Variants in WDR76 observed in about 807,000 individuals in gnomAD.
WDR76 encodes WD repeat domain 76, also known as WD repeat-containing protein 76.
In WDR76, 52 loss-of-function variants were observed where a neutral mutation model predicts 70.2. The observed-to-expected ratio is 0.74, with a 90% CI of 0.59 to 0.93. WDR76 has a LOEUF of 0.93. WDR76 is among the 40% of genes least tolerant of loss of function. WDR76 has a pLI of 0.00. For missense variants in WDR76, 756 were observed against 760.2 expected (o/e 0.99, Z 0.07); for synonymous variants, 292 against 271.1 (o/e 1.08, Z -0.76).
In WDR76 at chr15:43,839,708, A is replaced by G. The variant is rs770175699; in HGVS notation, c.712A>G (p.Thr238Ala). 3.1e-6 allele frequency: 5 copies of G among 1,609,572 alleles called. No homozygotes were observed. The highest frequency in any genetic ancestry group is 3.4e-6 in the Non-Finnish European group (4 of 1,177,550). The change falls in exon 5 of 13, where the codon ACA becomes GCA. Residue 238 changes from threonine (T) to alanine (A), a missense_variant. Coordinates refer to ENST00000263795, the MANE Select transcript of WDR76 (RefSeq NM_024908.4). ...ATTACCAGCAGCTCCAACACCGCCG[A>G]CATTAGTAGCAGATGAAACTGTAAG... ...VSLPAAPTPP[T>A]LVADETPLLP... is the part of the protein sequence containing the mutation.
Position 43,839,729 on chromosome 15 carries a change from G to C in WDR76, c.732+1G>C, listed in dbSNP as rs2087700691. The C allele has an allele frequency of 6.3e-7, 1 of 1,598,432 alleles. No individual in the cohort carries two copies. Among genetic ancestry groups the C allele is most frequent in the South Asian group, 1.1e-5 (1 of 87,736 alleles). ...GCCGACATTAGTAGCAGATGAAACT[G>C]TAAGGAAATGTGCAAATATAATATT... On this transcript the variant is annotated splice_donor_variant, in intron 5 of 12. Coordinates refer to ENST00000263795, the MANE Select transcript of WDR76 (RefSeq NM_024908.4). LOFTEE classifies it high-confidence loss of function.
intron 10 of WDR76, chr15:43,857,528 G>C (rs1249713973): frequency 9.1e-6 from 9 of 985,246 alleles, no homozygotes; most frequent in African/African-American, 3.5e-5. Flanking sequence ...AAACCAACTA[G>C]AAACTTGACA....
chr15:43,843,170 T>A (rs548819602), intron 7 of WDR76, among the ~76,000 whole-genome samples: 3 of 152,140 alleles, frequency 2.0e-5, no homozygotes, highest in Admixed American at 2.0e-4. Context: ...ACTACAGGCG[T>A]GCACCATCAC....
At chr15:43,833,795 C>T (rs2141724874) in intron 2 of WDR76, among the ~76,000 whole-genome samples, 1 of 152,056 alleles carries the variant, frequency 6.6e-6, no homozygotes, top group South Asian at 2.1e-4. Flanking sequence ...TGTCACCACA[C>T]CCGGCTAATT....
At chr15:43,842,215 G>A (rs184970347) in intron 5 of WDR76, among the ~76,000 whole-genome samples, 200 bp from the exon 6 acceptor site, 1 of 152,238 alleles carries the variant, frequency 6.6e-6, no homozygotes, top group Admixed American at 6.5e-5. Flanking sequence ...GATTAAATGA[G>A]ATAATACATG....
At chr15:43,851,448 T>G (rs947086465) in intron 9 of WDR76, among the ~76,000 whole-genome samples, 5 of 152,230 alleles carry the variant, frequency 3.3e-5, no homozygotes, top group Admixed American at 6.5e-5. Context: ...TGCCTCACTT[T>G]CCTTAGCTGT....
intron 4 of WDR76, 53 bp from the exon 5 acceptor site, chr15:43,839,552 A>T (rs1260611273): frequency 6.4e-7 from 1 of 1,552,182 alleles, no homozygotes; most frequent in Non-Finnish European, 8.7e-7. Flanking sequence ...AGTATTAGTA[A>T]ATACATTTTA....
intron 8 of WDR76, among the ~76,000 whole-genome samples, chr15:43,848,688 C>G (rs936420102): frequency 1.3e-5 from 2 of 152,152 alleles, no homozygotes; most frequent in Non-Finnish European, 2.9e-5. Flanking sequence ...TGCCTGTAAT[C>G]CCAACACTTT....
At chr15:43,844,547 G>A (rs1445406932) in intron 8 of WDR76, among the ~76,000 whole-genome samples, 1 of 150,512 alleles carries the variant, frequency 6.6e-6, no homozygotes, top group Non-Finnish European at 1.5e-5. Flanking sequence ...TTGAACCCAG[G>A]AGACGGAGGT....
chr15:43,831,123 C>T (rs936862060), intron 2 of WDR76, among the ~76,000 whole-genome samples: 11 of 151,690 alleles, frequency 7.3e-5, no homozygotes, highest in African/African-American at 1.9e-4. Flanking sequence ...CTGAGCTACT[C>T]GGGAGGCTGA....
intron 5 of WDR76, among the ~76,000 whole-genome samples, chr15:43,840,554 A>G (rs2087712016): frequency 6.6e-6 from 1 of 152,218 alleles, no homozygotes; most frequent in African/African-American, 2.4e-5. Flanking sequence ...CTTTATATGT[A>G]AGTGTTTAAT....
chr15:43,831,558 C>T (rs565579458), intron 2 of WDR76, among the ~76,000 whole-genome samples: 8 of 152,220 alleles, frequency 5.3e-5, no homozygotes, highest in African/African-American at 1.2e-4. Flanking sequence ...CCCATCTCAG[C>T]GTCCCGAGTA....
chr15:43,839,450 ACTT>A (rs2087695876), intron 4 of WDR76, among the ~76,000 whole-genome samples, 152 bp from the exon 5 acceptor site: 1 of 152,206 alleles, frequency 6.6e-6, no homozygotes, highest in South Asian at 2.1e-4. Flanking sequence ...TTTTTTCCAT[ACTT>A]CTTATTAAGA....
At chr15:43,827,250 A>G (rs2087528984) in intron 1 of WDR76, 158 bp downstream of exon 1, 1 of 791,916 alleles carries the variant, frequency 1.3e-6, no homozygotes, top group South Asian at 1.8e-5. Context: ...GTTCTTATCA[A>G]TAACCCGAGA....
rs1351962270 is a variant in WDR76, at chr15:43,847,644, A to G, written c.1033-3443A>G. ...CACCATCTTGGCCAGGCTGGTCTTG[A>G]ACTCCTGACCTTGTAATCCACCCGC... On this transcript the variant is annotated intron_variant, in intron 8 of 12. Coordinates refer to ENST00000263795, the MANE Select transcript of WDR76 (RefSeq NM_024908.4). Among the ~76,000 whole-genome samples the G allele has an allele frequency of 2.6e-5, 4 of 151,936 alleles. No individual in the cohort carries two copies. In the East Asian group the frequency reaches 7.7e-4, roughly 29 times the overall value.
At chr15:43,844,643 C>T (rs949062490) in intron 8 of WDR76, among the ~76,000 whole-genome samples, 1 of 149,472 alleles carries the variant, frequency 6.7e-6, no homozygotes, top group South Asian at 2.1e-4. Flanking sequence ...GGAGCGGTGG[C>T]TCACGCCTGT....
At chr15:43,864,852 G>A (rs1353958959) in intron 12 of WDR76, among the ~76,000 whole-genome samples, 1 of 151,938 alleles carries the variant, frequency 6.6e-6, no homozygotes, top group Non-Finnish European at 1.5e-5. Flanking sequence ...CCTCAGCCCC[G>A]CAAAGTGCTG....
In WDR76 at chr15:43,856,982, G is replaced by C; in HGVS notation, c.1228G>C (p.Asp410His). 1 of 1,613,972 alleles carries C rather than the reference G, an allele frequency of 6.2e-7. No homozygotes were observed. The highest frequency in any genetic ancestry group is 8.5e-7 in the Non-Finnish European group (1 of 1,179,978). ...RNERSSFSSF[D>H]FLAEDASTLI... ...TGAAAGAAGTAGCTTTTCCTCCTTC[G>C]ACTTCTTGGCAGAAGATGCCTCCAC... is the stretch of plus-strand genomic sequence containing the variant. Residue 410 changes from aspartate to histidine, a missense_variant, in exon 10 of 13, where the codon GAC becomes CAC. Physicochemically the swap from Asp to His is moderately conservative, Grantham distance 81. Transcript: ENST00000263795.
intron 12 of WDR76, 75 bp downstream of exon 12, chr15:43,861,461 C>A: frequency 7.5e-7 from 1 of 1,336,346 alleles, no homozygotes; most frequent in Non-Finnish European, 1.1e-6. Flanking sequence ...CATTAGACAT[C>A]TGATTGTCAA....
Sources: gnomAD v4.1 joint callset for allele counts (sites outside exome capture counted in the v4.1 genomes callset) on GRCh38, gnomAD v4.1.1 for gene constraint, MANE v1.5 for transcripts, NCBI Gene and HGNC (gene_info 2026-07-23, HGNC 2026-07-21) for gene names.